The following SHROOM3 variants were observed in gnomAD, a reference collection of about 807,000 sequenced individuals.
The protein encoded by SHROOM3 is protein Shroom3.
A neutral mutation model predicts 138.6 loss-of-function variants in SHROOM3; 47 were observed. That is an observed-to-expected ratio of 0.34 (90% CI 0.27 to 0.43). The LOEUF is 0.43. SHROOM3 is among the 20% of genes least tolerant of loss of function. The probability of loss-of-function intolerance (pLI) is 1.00; values close to 1 mark genes in which losing one functional copy is unlikely to be tolerated. For synonymous variants in SHROOM3, 1,062 were observed against 1,063.3 expected (o/e 1.00, Z 0.02); for missense variants, 2,491 against 2,596.5 (o/e 0.96, Z 0.88).
intron 1 of SHROOM3, among the ~76,000 whole-genome samples, chr4:76,530,225 A>G (rs937110295): frequency 2.0e-5 from 3 of 152,232 alleles, no homozygotes; most frequent in Non-Finnish European, 2.9e-5. Flanking sequence ...TGTTTCGGCA[A>G]TGGGTTATTG....
At chr4:76,485,975 C>T (rs753862096) in intron 1 of SHROOM3, among the ~76,000 whole-genome samples, 1 of 152,062 alleles carries the variant, frequency 6.6e-6, no homozygotes, top group Non-Finnish European at 1.5e-5. Flanking sequence ...CTGTTTTTCT[C>T]CTTCTTAAAC....
At chr4:76,695,299 G>A (rs549451878) in intron 2 of SHROOM3, among the ~76,000 whole-genome samples, 11 of 152,272 alleles carry the variant, frequency 7.2e-5, no homozygotes, top group African/African-American at 2.4e-4. Context: ...GAAGTCAGTC[G>A]ACTTATTTGT....
At chr4:76,616,569 C>T (rs945453790) in intron 2 of SHROOM3, among the ~76,000 whole-genome samples, 6 of 152,112 alleles carry the variant, frequency 3.9e-5, no homozygotes, top group Non-Finnish European at 7.3e-5. Flanking sequence ...GTGAAATAAG[C>T]CAGTCACAAA....
chr4:76,551,057 A>G (rs1482413376), intron 1 of SHROOM3, among the ~76,000 whole-genome samples: 3 of 149,176 alleles, frequency 2.0e-5, no homozygotes, highest in Non-Finnish European at 4.5e-5. Context: ...CCAGACTGGA[A>G]TGAAATGGTG....
chr4:76,485,505 A>G (rs1372222208), intron 1 of SHROOM3, among the ~76,000 whole-genome samples: 1 of 152,168 alleles, frequency 6.6e-6, no homozygotes, highest in African/African-American at 2.4e-5. Context: ...ACCTCTTTGT[A>G]GAAGCTTTGA....
chr4:76,726,526 C>T (rs1340174622), intron 3 of SHROOM3, among the ~76,000 whole-genome samples: 1 of 141,966 alleles, frequency 7.0e-6, no homozygotes, highest in African/African-American at 2.6e-5. Flanking sequence ...TCTCTCCACT[C>T]CCATCCCCTC....
intron 2 of SHROOM3, among the ~76,000 whole-genome samples, chr4:76,592,739 G>A (rs1249873804): frequency 6.6e-6 from 1 of 152,132 alleles, no homozygotes; most frequent in African/African-American, 2.4e-5. Context: ...AGCTACAAAA[G>A]TCTTATTGAA....
intron 1 of SHROOM3, among the ~76,000 whole-genome samples, chr4:76,444,028 A>G (rs772506113): frequency 2.4e-4 from 37 of 151,958 alleles, no homozygotes; most frequent in Non-Finnish European, 4.6e-4. Flanking sequence ...CCCTGGGGTG[A>G]GCTTCTTACC....
chr4:76,690,769 T>G (rs1205391750), intron 2 of SHROOM3, among the ~76,000 whole-genome samples: 1 of 152,208 alleles, frequency 6.6e-6, no homozygotes, highest in Admixed American at 6.5e-5. Flanking sequence ...AAATAAACTC[T>G]TATAACAACA....
intron 9 of SHROOM3, among the ~76,000 whole-genome samples, chr4:76,766,491 C>T (rs1393507059): frequency 2.6e-5 from 4 of 152,172 alleles, no homozygotes; most frequent in Non-Finnish European, 5.9e-5. Context: ...GTATAAATAG[C>T]ATCTCACACA....
At chr4:76,605,251 T>C (rs1257322072) in intron 2 of SHROOM3, among the ~76,000 whole-genome samples, 1 of 152,154 alleles carries the variant, frequency 6.6e-6, no homozygotes, top group African/African-American at 2.4e-5. Flanking sequence ...CAGAGTGAAC[T>C]TTAATTAAAA....
rs915371325 is a variant in SHROOM3 at position 76,781,137 on chromosome 4, T to C, written c.*1960T>C. 16 of 152,170 alleles carry C rather than the reference T, an allele frequency of 1.1e-4. No individual in the cohort carries two copies. The highest frequency in any genetic ancestry group is 2.9e-4 in the African/African-American group (12 of 41,420). The allele number at this position is 152,170 out of a possible 1,614,324, so 9.4% of individuals were successfully genotyped here. On this transcript the variant is annotated 3_prime_UTR_variant, in exon 11 of 11. Coordinates refer to ENST00000296043, the MANE Select transcript of SHROOM3 (RefSeq NM_020859.4). ...AGTCTTTCTCAAAAATTTTTATTTA[T>C]TTTCTTGAGAAAGGGTCTTACTATG...
intron 2 of SHROOM3, chr4:76,688,960 G>T: frequency 2.4e-6 from 2 of 830,134 alleles, no homozygotes; most frequent in South Asian, 5.7e-5. Flanking sequence ...TGTAATGCGA[G>T]CTTTTTTTTT....
At chr4:76,618,758 C>G (rs1734936344) in intron 2 of SHROOM3, among the ~76,000 whole-genome samples, 3 of 152,090 alleles carry the variant, frequency 2.0e-5, no homozygotes, top group Non-Finnish European at 4.4e-5. Flanking sequence ...TGATGTAATA[C>G]TTTATTTTCT....
chr4:76,758,693 A>T (rs1431854711), intron 8 of SHROOM3: 1 of 152,174 alleles, frequency 6.6e-6, no homozygotes, highest in African/African-American at 2.4e-5. Context: ...GACAGTTATC[A>T]AGCAGGAAAC....
chr4:76,710,423 A>G (rs1340095479), intron 3 of SHROOM3, 136 bp downstream of exon 3: 4 of 1,042,260 alleles, frequency 3.8e-6, no homozygotes, highest in Middle Eastern at 2.9e-4. Context: ...GAGGCAGAAC[A>G]AGGAGGCGAG....
At chr4:76,444,556 C>T (rs185826146) in intron 1 of SHROOM3, among the ~76,000 whole-genome samples, 157 of 134,088 alleles carry the variant, frequency 1.2e-3, no homozygotes, top group Non-Finnish European at 1.9e-3. Flanking sequence ...TGCAGTGACA[C>T]GATGATCTTG....
intron 2 of SHROOM3, among the ~76,000 whole-genome samples, chr4:76,709,615 C>T (rs1720168611): frequency 6.6e-6 from 1 of 152,150 alleles, no homozygotes; most frequent in Non-Finnish European, 1.5e-5. Flanking sequence ...CCTCCCAGTG[C>T]AGTGGAATCT....
intron 2 of SHROOM3, among the ~76,000 whole-genome samples, chr4:76,643,519 A>G (rs1055319451): frequency 2.0e-5 from 3 of 152,188 alleles, no homozygotes; most frequent in African/African-American, 7.2e-5. Flanking sequence ...GGTATGATGA[A>G]AGGGGTTCTA....
Sources: allele counts gnomAD v4.1 joint callset (sites outside exome capture counted in the v4.1 genomes callset), GRCh38; gene constraint gnomAD v4.1.1; transcripts MANE v1.5; gene names NCBI Gene and HGNC (gene_info 2026-07-23, HGNC 2026-07-21).